VAV3: variants seen among roughly 807,000 people sequenced by gnomAD.
VAV3 encodes the protein vav guanine nucleotide exchange factor 3.
A neutral mutation model predicts 131.2 loss-of-function variants in VAV3; 94 were observed. That is an observed-to-expected ratio of 0.72 (90% CI 0.61 to 0.85). The LOEUF (loss-of-function observed/expected upper bound fraction) is 0.85, where lower values mean the gene tolerates loss of function less well. Ranked by LOEUF, VAV3 falls within the 40% of genes least tolerant of loss-of-function variation. The pLI is 0.00. For missense variants in VAV3, 939 were observed against 1,002.7 expected, an observed-to-expected ratio of 0.94 and a Z score of 0.86; for synonymous variants, 349 against 342.0, an observed-to-expected ratio of 1.02 and a Z score of -0.22.
intron 2 of VAV3, among the ~76,000 whole-genome samples, chr1:107,791,332 C>A (rs571335474): frequency 2.0e-5 from 3 of 151,314 alleles, no homozygotes; most frequent in South Asian, 4.2e-4. Context: ...TCTAGGAGAA[C>A]TGTGCTGGCA....
chr1:107,686,034 T>TTG (rs1553187548), intron 18 of VAV3: 11 of 85,088 alleles, frequency 1.3e-4, no homozygotes, highest in African/African-American at 5.1e-4. Context: ...GTTGGGGGGG[T>TTG]GGGGGGGGAG....
At chr1:107,911,024 T>C (rs1224609602) in intron 1 of VAV3, among the ~76,000 whole-genome samples, 4 of 151,938 alleles carry the variant, frequency 2.6e-5, no homozygotes, top group Non-Finnish European at 4.4e-5. Context: ...AAGGTAGGCT[T>C]GAGTCATAAT....
chr1:107,606,447 C>T (rs1034758043), intron 22 of VAV3, among the ~76,000 whole-genome samples: 1 of 152,036 alleles, frequency 6.6e-6, no homozygotes, highest in Non-Finnish European at 1.5e-5. Flanking sequence ...TCAGAAGTAT[C>T]TTCAATTTGG....
intron 2 of VAV3, among the ~76,000 whole-genome samples, chr1:107,874,430 C>A (rs568776482): frequency 6.6e-6 from 1 of 152,124 alleles, no homozygotes; most frequent in South Asian, 2.1e-4. Flanking sequence ...GTCACCCAAC[C>A]AAGTATCAAA....
At chr1:107,876,920 AATTC>A (rs1248842784) in intron 1 of VAV3, among the ~76,000 whole-genome samples, 1 of 148,252 alleles carries the variant, frequency 6.7e-6, no homozygotes. Context: ...CCAATGTCTT[AATTC>A]ATTGTTTTGT....
At chr1:107,859,135 G>A (rs1669619503) in intron 2 of VAV3, among the ~76,000 whole-genome samples, 1 of 149,544 alleles carries the variant, frequency 6.7e-6, no homozygotes, top group African/African-American at 2.5e-5. Flanking sequence ...CACTCAGGCT[G>A]GAGTAGAGTG....
At chr1:107,808,297 C>A (rs577475814) in intron 2 of VAV3, among the ~76,000 whole-genome samples, 3 of 152,126 alleles carry the variant, frequency 2.0e-5, no homozygotes, top group Admixed American at 1.3e-4. Context: ...GTGAACATGA[C>A]AGGCCTAAGA....
rs1406196000 is a variant in VAV3, at chr1:107,572,555, T to A, written c.*776A>T. On this transcript the variant is annotated 3_prime_UTR_variant, in exon 27 of 27. Transcript: ENST00000370056. ...ACCTAGCCCAGATCCTTTCATAAAGTCAAGTGCTATATTTCCAAAATAATC... is the reference window on the plus strand; with the variant it reads ...ACCTAGCCCAGATCCTTTCATAAAGACAAGTGCTATATTTCCAAAATAATC... 6.6e-6 allele frequency: 1 copy of A among 152,658 alleles called. No individual in the cohort carries two copies. The highest frequency in any genetic ancestry group is 1.5e-5 in the Non-Finnish European group (1 of 68,054). 9.5% of individuals were successfully genotyped at this position (152,658 alleles called of 1,614,324 possible).
At position 107,661,094 on chromosome 1, in the gene VAV3, G is replaced by A. The variant is rs1223662702; in HGVS notation, c.1778-18339C>T. Among the ~76,000 whole-genome samples the A allele has an allele frequency of 2.0e-5, 3 of 152,144 alleles. No individual in the cohort carries two copies. The East Asian group carries it at 5.8e-4, about 29-fold the overall frequency. On this transcript the variant is annotated intron_variant, in intron 19 of 26. Coordinates refer to ENST00000370056, the MANE Select transcript of VAV3 (RefSeq NM_006113.5). ...CAATATTAACAATGTTTCATCTGATGTGTAAAATTATGAGAACTTTTTTCC... is the reference window on the plus strand; with the variant it reads ...CAATATTAACAATGTTTCATCTGATATGTAAAATTATGAGAACTTTTTTCC...
chr1:107,751,177 C>G lies in VAV3; in HGVS notation c.1199G>C (p.Arg400Pro), dbSNP rs774815323. The G allele has an allele frequency of 6.2e-7, 1 of 1,612,220 alleles. No individual in the cohort carries two copies. The highest frequency in any genetic ancestry group is 1.7e-5 in the Admixed American group (1 of 59,684). Residue 400 changes from arginine to proline, a missense_variant, in exon 13 of 27, where the codon CGA becomes CCA. Transcript: ENST00000370056. ...TCGAATTTCACCATCTCCCTGAGGT[C>G]GTCCAAAAAGCAAAACTGGTTGGTT... ...NLNQPVLLFG[R>P]PQGDGEIRIT...
At chr1:107,660,365 A>G (rs1656919241) in intron 19 of VAV3, among the ~76,000 whole-genome samples, 1 of 152,200 alleles carries the variant, frequency 6.6e-6, no homozygotes, top group East Asian at 1.9e-4. Flanking sequence ...AGTGAGTGGG[A>G]AGGCATTTTG....
chr1:107,917,431 T>G (rs150425650), intron 1 of VAV3, among the ~76,000 whole-genome samples: 1 of 152,190 alleles, frequency 6.6e-6, no homozygotes, highest in African/African-American at 2.4e-5. Context: ...GTTAGGTAAC[T>G]GCCAGAATTC....
Position 107,572,423 on chromosome 1 carries a change from A to G in VAV3, c.*908T>C, listed in dbSNP as rs1649325703. 2 of 152,488 alleles carry G rather than the reference A, an allele frequency of 1.3e-5. No homozygotes were observed. The highest frequency in any genetic ancestry group is 4.8e-5 in the African/African-American group (2 of 41,468). 9.4% of individuals were successfully genotyped at this position (152,488 alleles called of 1,614,324 possible). On this transcript the variant is annotated 3_prime_UTR_variant, in exon 27 of 27. Coordinates refer to ENST00000370056, the MANE Select transcript of VAV3 (RefSeq NM_006113.5). ...GGGGAGGTGGATGGGAGGAAAAGGC[A>G]TGTATTAATAGATACTGCTGCTATA...
chr1:107,777,224 A>G lies in VAV3; in HGVS notation c.446+7T>C. On this transcript the variant is annotated splice_region_variant and intron_variant, in intron 4 of 26. Transcript: ENST00000370056. ...TGGCTAAATTTTGCTTGAAATTTTC[A>G]ACATACTCTATTAAATCAGGAAGGC... The G allele has an allele frequency of 6.2e-7, 1 of 1,613,606 alleles. No homozygotes were observed. Among genetic ancestry groups the G allele is most frequent in the Non-Finnish European group, 8.5e-7 (1 of 1,179,578 alleles).
chr1:107,772,416 G>A (rs1271020471), intron 5 of VAV3, among the ~76,000 whole-genome samples: 2 of 152,052 alleles, frequency 1.3e-5, no homozygotes, highest in Non-Finnish European at 2.9e-5. Context: ...ACTTTTATAA[G>A]AGTATAATTT....
At position 107,777,257 on chromosome 1, in the gene VAV3, G is replaced by A. The variant is rs1665410574; in HGVS notation, c.420C>T (p.Ile140=). ...PTEESINDED[I]YKGLPDLIDE... ...CTATTAAATCAGGAAGGCCTTTGTA[G>A]ATGTCTTCATCATTAATGCTTTCTT... The change falls in exon 4 of 27, where the codon ATC becomes ATT. Residue 140 remains isoleucine (I), a synonymous_variant. Transcript: ENST00000370056. 1 of 1,614,080 alleles carries A rather than the reference G, an allele frequency of 6.2e-7. No individual in the cohort carries two copies. Among genetic ancestry groups the A allele is most frequent in the Middle Eastern group, 1.6e-4 (1 of 6,062 alleles).
At chr1:107,642,823 C>T (rs1655450811) in intron 19 of VAV3, 68 bp from the exon 20 acceptor site, 5 of 1,586,106 alleles carry the variant, frequency 3.2e-6, no homozygotes, top group Non-Finnish European at 4.3e-6. Context: ...ATGAACTTTA[C>T]AAAAAATGTC....
At chr1:107,941,192 G>C (rs983579182) in intron 1 of VAV3, among the ~76,000 whole-genome samples, 1 of 152,118 alleles carries the variant, frequency 6.6e-6, no homozygotes, top group Non-Finnish European at 1.5e-5. Context: ...CCTATTTGTA[G>C]AACCTTTCTT....
chr1:107,875,012 G>C lies in VAV3; in HGVS notation c.210C>G (p.Leu70=), dbSNP rs370815345. 1.9e-6 allele frequency: 3 copies of C among 1,612,124 alleles called. No individual in the cohort carries two copies. The highest frequency in any genetic ancestry group is 4.5e-5 in the East Asian group (2 of 44,846). The change falls in exon 2 of 27, where the codon CTC becomes CTG. Residue 70 remains leucine, a synonymous_variant. Transcript: ENST00000370056. The part of the protein sequence containing the change: ...INLRPQMSQF[L]CLKNIRTFLT... Reference sequence around the variant, plus strand: ...GAAATGTCCTTATGTTCTTCAAACAGAGAAACTGAGGAATGGAAAAGAGCT... The same window carrying C: ...GAAATGTCCTTATGTTCTTCAAACACAGAAACTGAGGAATGGAAAAGAGCT...
Sources: allele counts gnomAD v4.1 joint callset (sites outside exome capture counted in the v4.1 genomes callset), GRCh38; gene constraint gnomAD v4.1.1; transcripts MANE v1.5; gene names NCBI Gene and HGNC (gene_info 2026-07-23, HGNC 2026-07-21).